AEBP2: variants seen among roughly 807,000 people sequenced by gnomAD.
The protein encoded by AEBP2 is AE binding protein 2, also known as zinc finger protein AEBP2.
In AEBP2, 10 loss-of-function variants were observed where a neutral mutation model predicts 50.8. The ratio of observed to expected loss-of-function variants is 0.20; its 90% CI spans 0.12 to 0.33. AEBP2 has a LOEUF of 0.33. Among genes scored for constraint, AEBP2 ranks in the 10% least tolerant of loss-of-function variants. The pLI, the probability that AEBP2 is intolerant of heterozygous loss-of-function variation, is 1.00. For synonymous variants in AEBP2, 296 were observed against 261.3 expected, an observed-to-expected ratio of 1.13 and a Z score of -1.28; for missense variants, 570 against 688.0, an observed-to-expected ratio of 0.83 and a Z score of 1.92.
chr12:19,471,090 G>A (rs11044581), intron 2 of AEBP2, among the ~76,000 whole-genome samples: 3,194 of 152,132 alleles, frequency 0.021, 41 homozygotes, highest in East Asian at 0.043. Flanking sequence ...TTGGATTGCA[G>A]AGTAACACTT....
chr12:19,442,631 A>G (rs1226113885), intron 1 of AEBP2, among the ~76,000 whole-genome samples: 1 of 152,242 alleles, frequency 6.6e-6, no homozygotes, highest in Non-Finnish European at 1.5e-5. Flanking sequence ...TTAAAACTTG[A>G]TAACCAAGCA....
At chr12:19,450,800 C>T (rs140597374) in intron 1 of AEBP2, among the ~76,000 whole-genome samples, 65 of 150,644 alleles carry the variant, frequency 4.3e-4, no homozygotes, top group African/African-American at 1.5e-3. Context: ...TATGATTGTG[C>T]CACTGTACTC....
At chr12:19,511,823 A>C (rs1434220506) in intron 5 of AEBP2, among the ~76,000 whole-genome samples, 1 of 151,996 alleles carries the variant, frequency 6.6e-6, no homozygotes, top group African/African-American at 2.4e-5. Flanking sequence ...ATAGATTTCC[A>C]AACAATTAAT....
At chr12:19,476,658 C>G (rs928581662) in intron 3 of AEBP2, among the ~76,000 whole-genome samples, 1 of 152,168 alleles carries the variant, frequency 6.6e-6, no homozygotes, top group African/African-American at 2.4e-5. Context: ...TCTGGGATCT[C>G]TATTACATTG....
chr12:19,441,594 C>G (rs112300178), intron 1 of AEBP2, among the ~76,000 whole-genome samples: 1 of 152,280 alleles, frequency 6.6e-6, no homozygotes, highest in African/African-American at 2.4e-5. Flanking sequence ...TTTAATGCTA[C>G]AAGTAATACA....
intron 3 of AEBP2, among the ~76,000 whole-genome samples, chr12:19,480,523 A>G (rs1035170428): frequency 1.3e-5 from 2 of 152,214 alleles, no homozygotes; most frequent in Non-Finnish European, 1.5e-5. Flanking sequence ...TCTGAAAAAG[A>G]CTTGATCTCT....
intron 4 of AEBP2, among the ~76,000 whole-genome samples, chr12:19,495,397 G>A (rs1292707301): frequency 6.6e-6 from 1 of 152,130 alleles, no homozygotes; most frequent in African/African-American, 2.4e-5. Context: ...TACGAAATTA[G>A]TCTGTAAAAC....
intron 1 of AEBP2, among the ~76,000 whole-genome samples, chr12:19,411,477 T>C (rs1039617651): frequency 6.6e-6 from 1 of 152,192 alleles, no homozygotes; most frequent in African/African-American, 2.4e-5. Flanking sequence ...TAGCTCTTAC[T>C]GAGCCAGAGG....
Position 19,456,540 on chromosome 12 carries a change from G to A in AEBP2, c.672-5970G>A, listed in dbSNP as rs566777647. 1.1e-4 allele frequency: 166 copies of A among 1,530,168 alleles called. 1 individual carries two copies. The African/African-American group carries it at 1.8e-3, about 17-fold the overall frequency. The allele number at this position is 1,530,168 out of a possible 1,614,324, so 94.8% of individuals were successfully genotyped here. A position where few individuals can be genotyped will look rare whatever the true frequency, so the allele number is the denominator to read the frequency against. ...AGCAAACTTGCATGCAGTGTGAGCC[G>A]TGTGGCAATCCAGTACAGGGGCATA... is the stretch of plus-strand genomic sequence containing the variant. On this transcript the variant is annotated intron_variant, in intron 1 of 7. Coordinates refer to ENST00000266508, the MANE Select transcript of AEBP2 (RefSeq NM_153207.5).
At chr12:19,503,813 C>T (rs532051625) in intron 5 of AEBP2, among the ~76,000 whole-genome samples, 4 of 152,122 alleles carry the variant, frequency 2.6e-5, no homozygotes, top group Non-Finnish European at 4.4e-5. Context: ...TGAGCCACCA[C>T]GCCCTACTGA....
At chr12:19,445,370 C>CTTTTTT (rs55898072) in intron 1 of AEBP2, among the ~76,000 whole-genome samples, 2 of 135,604 alleles carry the variant, frequency 1.5e-5, no homozygotes, top group African/African-American at 2.7e-5. Context: ...TGCTCGTTTT[C>CTTTTTT]TTTTTTTTTT....
At chr12:19,509,090 G>T in intron 5 of AEBP2, 1 of 562,256 alleles carries the variant, frequency 1.8e-6, no homozygotes, top group Non-Finnish European at 3.3e-6. Flanking sequence ...GAGACCTAAA[G>T]TTCTTAATGA....
chr12:19,491,778 T>G (rs1200914247), intron 3 of AEBP2, among the ~76,000 whole-genome samples: 4 of 152,174 alleles, frequency 2.6e-5, no homozygotes, highest in African/African-American at 4.8e-5. Context: ...TAGTAATATC[T>G]ATGATTTGCA....
chr12:19,455,193 A>G lies in AEBP2; in HGVS notation c.672-7317A>G, dbSNP rs575268206. 5.7e-4 allele frequency among the ~76,000 whole-genome samples: 86 copies of G among 151,178 alleles called. 1 individual carries two copies. Among genetic ancestry groups the G allele is most frequent in the African/African-American group, 1.9e-3 (80 of 41,236 alleles). On this transcript the variant is annotated intron_variant, in intron 1 of 7. Transcript: ENST00000266508. ...TTTTTTTAAGAGACAGGGTCTTGCT[A>G]TGTTGCCCAGGTTGCTCTTGAACTT...
intron 1 of AEBP2, among the ~76,000 whole-genome samples, chr12:19,407,354 C>T (rs1398973167): frequency 5.3e-5 from 8 of 151,842 alleles, no homozygotes; most frequent in African/African-American, 1.5e-4. Context: ...GTCTGTAGCC[C>T]GGGCGCAATC....
In AEBP2 at chr12:19,440,648, C is replaced by G. The variant is rs1947939148; in HGVS notation, c.671+278C>G. 5.9e-6 allele frequency: 9 copies of G among 1,530,328 alleles called. No individual in the cohort carries two copies. In the East Asian group the frequency reaches 7.3e-5, roughly 12 times the overall value. 94.8% of individuals were successfully genotyped at this position (1,530,328 alleles called of 1,614,324 possible). A position where few individuals can be genotyped will look rare whatever the true frequency, so the allele number is the denominator to read the frequency against. ...CTCACGGACCTCAGGACGGCTCTAA[C>G]TCGGAAACAGTCCCCAAACGGGCCC... On this transcript the variant is annotated intron_variant, in intron 1 of 7. Coordinates refer to ENST00000266508, the MANE Select transcript of AEBP2 (RefSeq NM_153207.5).
Position 19,512,389 on chromosome 12 carries a change from CATT to C in AEBP2, c.1300-6_1300-4del, listed in dbSNP as rs1949246291. The C allele has an allele frequency of 1.3e-6, 2 of 1,524,804 alleles. No homozygotes were observed. Among genetic ancestry groups the C allele is most frequent in the Non-Finnish European group, 1.8e-6 (2 of 1,127,460 alleles). The allele number at this position is 1,524,804 out of a possible 1,614,324, so 94.5% of individuals were successfully genotyped here. ...TTGTTTTTATGATTTCTTTTCATGTCATTATCAGGTAATAGCTAAGAGAAAAGA... is the reference window on the plus strand; with the variant it reads ...TTGTTTTTATGATTTCTTTTCATGTCATCAGGTAATAGCTAAGAGAAAAGA... On this transcript the variant is annotated splice_polypyrimidine_tract_variant and splice_region_variant and intron_variant, in intron 5 of 7. Transcript: ENST00000266508.
chr12:19,433,931 C>T (rs1853357379), intron 1 of AEBP2, among the ~76,000 whole-genome samples: 1 of 152,050 alleles, frequency 6.6e-6, no homozygotes, highest in East Asian at 1.9e-4. Context: ...ACTGCAACCT[C>T]TGCCTCCTGG....
chr12:19,415,915 G>A (rs1211851049), intron 1 of AEBP2, among the ~76,000 whole-genome samples: 2 of 152,144 alleles, frequency 1.3e-5, no homozygotes, highest in East Asian at 1.9e-4. Flanking sequence ...CTGGCCAGGT[G>A]TGGTGGCTCA....
Sources: gnomAD v4.1 joint callset for allele counts (sites outside exome capture counted in the v4.1 genomes callset) on GRCh38, gnomAD v4.1.1 for gene constraint, MANE v1.5 for transcripts, NCBI Gene and HGNC (gene_info 2026-07-23, HGNC 2026-07-21) for gene names.